The following SPRY3 variants were observed in gnomAD, a reference collection of about 807,000 sequenced individuals.
The protein encoded by SPRY3 is protein sprouty homolog 3.
In SPRY3, 15 loss-of-function variants were observed where a neutral mutation model predicts 20.2. The observed-to-expected ratio is 0.74, with a 90% CI of 0.50 to 1.14. SPRY3 has a LOEUF of 1.14. Ranked by LOEUF, SPRY3 falls within the 50% of genes most tolerant of loss-of-function variation. The pLI is 0.00. For synonymous variants in SPRY3, 143 were observed against 136.5 expected (o/e 1.05, Z -0.33); for missense variants, 364 against 363.9 (o/e 1.00, Z 0.00).
chrX:155,710,553 G>T (rs1336978792), intron 2 of SPRY3, among the ~76,000 whole-genome samples: 3 of 151,398 alleles, frequency 2.0e-5, no homozygotes, highest in Admixed American at 6.6e-5. Context: ...AGTTCCAATA[G>T]GTTTCTTATG....
chrX:155,716,993 T>C (rs867285456), intron 2 of SPRY3, among the ~76,000 whole-genome samples: 2 of 129,450 alleles, frequency 1.5e-5, no homozygotes, highest in Non-Finnish European at 3.2e-5. Flanking sequence ...TATATATATA[T>C]ATATATATAT....
At chrX:155,780,414 A>G (rs1817474987), downstream of SPRY3, 3 of 166,980 alleles carry the variant, frequency 1.8e-5, no homozygotes, top group African/African-American at 7.2e-5. Context: ...CCTAAGGCCT[A>G]GAGTACTTTA....
chrX:155,763,347 C>G (rs764111099), intron 2 of SPRY3, among the ~76,000 whole-genome samples: 2 of 152,216 alleles, frequency 1.3e-5, no homozygotes, highest in African/African-American at 4.8e-5. Flanking sequence ...ACATCTCATC[C>G]TTACTTCCCA....
intron 2 of SPRY3, among the ~76,000 whole-genome samples, chrX:155,741,000 G>C: frequency 6.6e-6 from 1 of 152,076 alleles, no homozygotes; most frequent in Non-Finnish European, 1.5e-5. Flanking sequence ...AAAATAGAAA[G>C]AACCTATGTT....
chrX:155,652,094 G>T (rs1166595490), intron 1 of SPRY3, among the ~76,000 whole-genome samples: 1 of 110,768 alleles, frequency 9.0e-6, no homozygotes, highest in African/African-American at 3.3e-5. Flanking sequence ...GATCTCATGA[G>T]AACTCACCAT....
At chrX:155,740,625 G>T (rs2091199222) in intron 2 of SPRY3, among the ~76,000 whole-genome samples, 1 of 152,050 alleles carries the variant, frequency 6.6e-6, no homozygotes. Flanking sequence ...GTGAATTCAA[G>T]GTCAGACCGG....
intron 2 of SPRY3, among the ~76,000 whole-genome samples, chrX:155,763,118 A>C (rs748927386): frequency 6.6e-6 from 1 of 152,016 alleles, no homozygotes; most frequent in Non-Finnish European, 1.5e-5. Flanking sequence ...GGAACAACAA[A>C]AAAAAACCCC....
chrX:155,652,573 G>A (rs2067980611), intron 1 of SPRY3, among the ~76,000 whole-genome samples: 1 of 111,795 alleles, frequency 8.9e-6, no homozygotes, highest in African/African-American at 3.2e-5. Flanking sequence ...TTTTATGGCT[G>A]AATAGTATTC....
chrX:155,758,312 T>G (rs1602993737), intron 2 of SPRY3, among the ~76,000 whole-genome samples: 1 of 152,288 alleles, frequency 6.6e-6, no homozygotes, highest in East Asian at 1.9e-4. Context: ...GGCCTAGAGA[T>G]GAAGAATGAC....
chrX:155,615,333 C>T (rs1236134808), intron 1 of SPRY3, among the ~76,000 whole-genome samples: 1 of 111,508 alleles, frequency 9.0e-6, no homozygotes, highest in Non-Finnish European at 1.9e-5. Context: ...CTTTGACTAA[C>T]ATCTACACCT....
chrX:155,621,397 T>C (rs2067870575), intron 1 of SPRY3, among the ~76,000 whole-genome samples: 1 of 111,606 alleles, frequency 9.0e-6, no homozygotes, highest in East Asian at 2.8e-4. Flanking sequence ...TTACTGTTGG[T>C]GAGGCAAGAA....
intron 2 of SPRY3, among the ~76,000 whole-genome samples, chrX:155,761,966 T>A (rs1308928030): frequency 6.6e-6 from 1 of 152,142 alleles, no homozygotes; most frequent in African/African-American, 2.4e-5. Flanking sequence ...CTCTTTCGTG[T>A]TAACAAGCCT....
intron 1 of SPRY3, among the ~76,000 whole-genome samples, chrX:155,649,616 A>G (rs782514249): frequency 9.0e-6 from 1 of 111,532 alleles, no homozygotes; most frequent in African/African-American, 3.3e-5. Context: ...GATGGAACAT[A>G]TCTCAAAATA....
chrX:155,704,206 C>G (rs1483923674), intron 2 of SPRY3, among the ~76,000 whole-genome samples: 1 of 151,750 alleles, frequency 6.6e-6, no homozygotes, highest in Non-Finnish European at 1.5e-5. Context: ...AATTTGGAAA[C>G]TCTCTGACAG....
At chrX:155,719,872 T>C (rs1207355999) in intron 2 of SPRY3, among the ~76,000 whole-genome samples, 1 of 152,074 alleles carries the variant, frequency 6.6e-6, no homozygotes, top group Non-Finnish European at 1.5e-5. Context: ...CATTCCCGGC[T>C]GTGGTGGCTA....
chrX:155,719,564 C>T (rs1349004902), intron 2 of SPRY3, among the ~76,000 whole-genome samples: 2 of 152,066 alleles, frequency 1.3e-5, no homozygotes, highest in African/African-American at 2.4e-5. Flanking sequence ...AAAAGAGACC[C>T]CTTCCTTCCA....
chrX:155,766,940 A>G (rs909698439), intron 2 of SPRY3, among the ~76,000 whole-genome samples: 2 of 152,186 alleles, frequency 1.3e-5, no homozygotes, highest in Non-Finnish European at 2.9e-5. Flanking sequence ...CCCTTAAACA[A>G]AGGAGAAGCT....
chrX:155,724,858 G>C (rs759663155), intron 2 of SPRY3, among the ~76,000 whole-genome samples: 1 of 152,244 alleles, frequency 6.6e-6, no homozygotes, highest in Admixed American at 6.5e-5. Context: ...ACACTATGTT[G>C]AGTAGGAGTG....
At chrX:155,677,034 C>T (rs1029817354) in intron 2 of SPRY3, among the ~76,000 whole-genome samples, 11 of 111,501 alleles carry the variant, frequency 9.9e-5, no homozygotes, top group Admixed American at 2.9e-4. Context: ...TCAGTCAGTT[C>T]GGATCGGCTA....
Sources: gnomAD v4.1 joint callset for allele counts (sites outside exome capture counted in the v4.1 genomes callset) on GRCh38, gnomAD v4.1.1 for gene constraint, MANE v1.5 for transcripts, NCBI Gene and HGNC (gene_info 2026-07-23, HGNC 2026-07-21) for gene names.